RBFOX1: variants seen among roughly 807,000 people sequenced by gnomAD.
RBFOX1 encodes the protein RNA binding protein fox-1 homolog 1.
RBFOX1 carries 8 observed loss-of-function variants against 57.7 expected under a neutral mutation model. That is an observed-to-expected ratio of 0.14 (90% CI 0.08 to 0.25). The LOEUF is 0.25. Ranked by LOEUF, RBFOX1 falls within the 10% of genes least tolerant of loss-of-function variation. RBFOX1 has a pLI of 1.00. For missense variants in RBFOX1, 611 were observed against 548.5 expected (o/e 1.11, Z -1.14); for synonymous variants, 326 against 222.4 (o/e 1.47, Z -4.15).
intron 3 of RBFOX1, among the ~76,000 whole-genome samples, chr16:6,755,053 C>A (rs959509366): frequency 1.3e-5 from 2 of 152,148 alleles, no homozygotes; most frequent in African/African-American, 4.8e-5. Context: ...TTTATGGCTG[C>A]ATAGTATTCC....
chr16:6,534,189 A>G (rs1445956565), intron 2 of RBFOX1, among the ~76,000 whole-genome samples: 1 of 152,212 alleles, frequency 6.6e-6, no homozygotes, highest in Non-Finnish European at 1.5e-5. Flanking sequence ...AGTAAGTTGT[A>G]TAGTCACTCA....
At chr16:6,475,666 G>A (rs1199684638) in intron 2 of RBFOX1, among the ~76,000 whole-genome samples, 1 of 152,126 alleles carries the variant, frequency 6.6e-6, no homozygotes, top group Admixed American at 6.5e-5. Flanking sequence ...TTAGGTGTCA[G>A]GACAAAGAAA....
At chr16:5,556,040 C>T (rs944732167) in intron 2 of RBFOX1, among the ~76,000 whole-genome samples, 1 of 151,912 alleles carries the variant, frequency 6.6e-6, no homozygotes, top group Non-Finnish European at 1.5e-5. Context: ...AACAAACAAA[C>T]AAACAAAGAC....
intron 1 of RBFOX1, among the ~76,000 whole-genome samples, chr16:6,243,182 C>G (rs1043561613): frequency 6.7e-6 from 1 of 149,382 alleles, no homozygotes; most frequent in Non-Finnish European, 1.5e-5. Context: ...GTACAGTTTC[C>G]TCTAGGAGAA....
rs191808909 is a variant in RBFOX1, at chr16:6,753,479, A to G, written c.-16+98829A>G. ...GTAGTTGCAGGAAGATCATCTTGCTATAACCCAGTGTCCCCCTTTCATCTC... is the reference window on the plus strand; with the variant it reads ...GTAGTTGCAGGAAGATCATCTTGCTGTAACCCAGTGTCCCCCTTTCATCTC... On this transcript the variant is annotated intron_variant, in intron 3 of 15. Coordinates refer to ENST00000550418, the MANE Select transcript of RBFOX1 (RefSeq NM_018723.4). 3.3e-4 allele frequency among the ~76,000 whole-genome samples: 50 copies of G among 152,284 alleles called. No individual in the cohort carries two copies. In the East Asian group the frequency reaches 4.8e-3, roughly 15 times the overall value.
intron 4 of RBFOX1, among the ~76,000 whole-genome samples, chr16:7,451,961 G>C (rs1278117711): frequency 6.6e-6 from 1 of 152,068 alleles, no homozygotes; most frequent in Non-Finnish European, 1.5e-5. Flanking sequence ...AAGGTGGTTT[G>C]GAAAGAGAAA....
At chr16:7,606,670 T>C (rs962301003) in intron 9 of RBFOX1, among the ~76,000 whole-genome samples, 3 of 152,248 alleles carry the variant, frequency 2.0e-5, no homozygotes, top group African/African-American at 7.2e-5. Flanking sequence ...ATTAATCATA[T>C]ATACAGATTA....
chr16:6,550,557 C>G (rs1383724009), intron 2 of RBFOX1, among the ~76,000 whole-genome samples: 3 of 152,134 alleles, frequency 2.0e-5, no homozygotes, highest in Non-Finnish European at 4.4e-5. Flanking sequence ...GACTCCTGAC[C>G]TCAAGTGATG....
chr16:6,365,027 T>C (rs1256586822), intron 2 of RBFOX1, among the ~76,000 whole-genome samples: 1 of 152,088 alleles, frequency 6.6e-6, no homozygotes, highest in Non-Finnish European at 1.5e-5. Flanking sequence ...TTGTAGCATC[T>C]CACAGGGAGA....
chr16:6,921,599 T>TA (rs2074450932), intron 3 of RBFOX1, among the ~76,000 whole-genome samples: 1 of 150,880 alleles, frequency 6.6e-6, no homozygotes, highest in Admixed American at 6.6e-5. Context: ...GGAGAAAGAA[T>TA]AATTTATGTA....
intron 1 of RBFOX1, among the ~76,000 whole-genome samples, chr16:5,355,062 G>A (rs72777507): frequency 0.018 from 2,761 of 152,096 alleles, 40 homozygotes; most frequent in Non-Finnish European, 0.023. Flanking sequence ...AGAAGAGAGA[G>A]AAAGAGAGAA....
chr16:6,861,301 C>A (rs1239074603), intron 3 of RBFOX1, among the ~76,000 whole-genome samples: 1 of 152,094 alleles, frequency 6.6e-6, no homozygotes, highest in Non-Finnish European at 1.5e-5. Context: ...AAAACAAGGT[C>A]CCTTTCGAGT....
At chr16:6,912,866 T>C (rs1280008638) in intron 3 of RBFOX1, among the ~76,000 whole-genome samples, 1 of 152,146 alleles carries the variant, frequency 6.6e-6, no homozygotes, top group Non-Finnish European at 1.5e-5. Context: ...GTGATCCTCT[T>C]GCCTTGACCT....
chr16:5,272,183 A>T (rs2063027940), intron 1 of RBFOX1, among the ~76,000 whole-genome samples: 1 of 152,200 alleles, frequency 6.6e-6, no homozygotes, highest in Non-Finnish European at 1.5e-5. Context: ...AGTCAATAAT[A>T]AAGTACCTTT....
intron 3 of RBFOX1, among the ~76,000 whole-genome samples, chr16:6,731,360 G>A (rs570170619): frequency 6.6e-6 from 1 of 152,170 alleles, no homozygotes; most frequent in East Asian, 1.9e-4. Context: ...TGATGTCTAG[G>A]GCACGACTAT....
intron 4 of RBFOX1, among the ~76,000 whole-genome samples, chr16:5,923,613 C>G (rs1411863184): frequency 7.0e-6 from 1 of 142,516 alleles, no homozygotes; most frequent in Non-Finnish European, 1.5e-5. Flanking sequence ...GCGATCTTGG[C>G]TGACTGCAAC....
chr16:7,528,446 A>G (rs2079195863), intron 5 of RBFOX1, among the ~76,000 whole-genome samples: 1 of 152,184 alleles, frequency 6.6e-6, no homozygotes, highest in Non-Finnish European at 1.5e-5. Flanking sequence ...TTCCCTCTGC[A>G]TAGCTGATTG....
chr16:6,776,801 A>C (rs2079450186), intron 3 of RBFOX1, among the ~76,000 whole-genome samples: 1 of 152,234 alleles, frequency 6.6e-6, no homozygotes, highest in South Asian at 2.1e-4. Context: ...ATACTGTAAC[A>C]AGTTACCACC....
At chr16:7,569,067 C>T (rs958361568) in intron 5 of RBFOX1, among the ~76,000 whole-genome samples, 3 of 151,994 alleles carry the variant, frequency 2.0e-5, no homozygotes, top group Non-Finnish European at 2.9e-5. Context: ...CTTTTAAACC[C>T]ATTATCCGTT....
Sources: gnomAD v4.1 joint callset for allele counts (sites outside exome capture counted in the v4.1 genomes callset) on GRCh38, gnomAD v4.1.1 for gene constraint, MANE v1.5 for transcripts, NCBI Gene and HGNC (gene_info 2026-07-23, HGNC 2026-07-21) for gene names.